MCC: variants seen among roughly 807,000 people sequenced by gnomAD.
The protein encoded by MCC is colorectal mutant cancer protein.
In MCC, 90 loss-of-function variants were observed where a neutral mutation model predicts 116.2. That is an observed-to-expected ratio of 0.77 (90% CI 0.65 to 0.92). MCC has a LOEUF of 0.92. Among genes scored for constraint, MCC ranks in the 40% least tolerant of loss-of-function variants. The pLI, the probability that MCC is intolerant of heterozygous loss-of-function variation, is 0.00. For synonymous variants in MCC, 578 were observed against 510.5 expected, an observed-to-expected ratio of 1.13 and a Z score of -1.78; for missense variants, 1,516 against 1,312.2, an observed-to-expected ratio of 1.16 and a Z score of -2.40.
chr5:113,157,835 A>C (rs1005893227), intron 3 of MCC, among the ~76,000 whole-genome samples: 3 of 152,242 alleles, frequency 2.0e-5, no homozygotes, highest in Admixed American at 1.3e-4. Flanking sequence ...GATAAAGTTT[A>C]ATTCATAGTC....
intron 2 of MCC, among the ~76,000 whole-genome samples, chr5:113,381,116 G>C (rs12519157): frequency 2.0e-5 from 3 of 152,320 alleles, no homozygotes; most frequent in Admixed American, 6.5e-5. Context: ...TATTTTAGTA[G>C]GCAAGGCAAG....
At chr5:113,249,859 G>A (rs1324187449) in intron 3 of MCC, among the ~76,000 whole-genome samples, 1 of 152,100 alleles carries the variant, frequency 6.6e-6, no homozygotes, top group Non-Finnish European at 1.5e-5. Flanking sequence ...CTACCCCCAC[G>A]CCTTTGGTTT....
chr5:113,184,484 T>TGC (rs1761796523), intron 3 of MCC, among the ~76,000 whole-genome samples: 1 of 147,972 alleles, frequency 6.8e-6, no homozygotes, highest in African/African-American at 2.5e-5. Context: ...TTTTTGTTTT[T>TGC]TTTTTTTTTT....
At chr5:113,048,229 AG>A (rs1686840266) in intron 16 of MCC, among the ~76,000 whole-genome samples, 1 of 152,214 alleles carries the variant, frequency 6.6e-6, no homozygotes, top group South Asian at 2.1e-4. Flanking sequence ...CCTTAACTGC[AG>A]TTTTGCTTTC....
rs1009760661 is a variant in MCC, at chr5:113,488,405, C to T, written c.10G>A (p.Ala4Thr). MMA[A>T]AAAAAAGSSS... ...CTCCCCGCAGCCGCTGCCGCCGCGG[C>T]CGCCATCATGCGCCCGCTCCCTACT... The change falls in exon 1 of 19, where the codon GCC (alanine) becomes ACC (threonine). Residue 4 changes from alanine (A) to threonine (T), a missense_variant. Transcript: ENST00000408903. The T allele has an allele frequency of 1.4e-6, 2 of 1,396,954 alleles. No homozygotes were observed. The highest frequency in any genetic ancestry group is 1.8e-6 in the Non-Finnish European group (2 of 1,087,288). 86.5% of individuals were successfully genotyped at this position (1,396,954 alleles called of 1,614,324 possible).
At chr5:113,231,762 A>G (rs1033476554) in intron 3 of MCC, among the ~76,000 whole-genome samples, 1 of 152,184 alleles carries the variant, frequency 6.6e-6, no homozygotes, top group Non-Finnish European at 1.5e-5. Flanking sequence ...TATGTATTGA[A>G]CTTTGAGACA....
chr5:113,268,099 A>G (rs1235772513), intron 3 of MCC, among the ~76,000 whole-genome samples: 1 of 151,926 alleles, frequency 6.6e-6, no homozygotes, highest in Non-Finnish European at 1.5e-5. Context: ...CCAGGCCTCA[A>G]CTCTACAAAC....
chr5:113,353,122 G>C (rs995197037), intron 2 of MCC, among the ~76,000 whole-genome samples: 2 of 152,158 alleles, frequency 1.3e-5, no homozygotes, highest in African/African-American at 4.8e-5. Context: ...CTTCTGACAT[G>C]ATGGGTGCTT....
chr5:113,199,920 A>G (rs954889230), intron 3 of MCC, among the ~76,000 whole-genome samples: 1 of 152,158 alleles, frequency 6.6e-6, no homozygotes, highest in Non-Finnish European at 1.5e-5. Flanking sequence ...GGTGAAGGCT[A>G]TTGATTTTGA....
At chr5:113,072,833 G>A (rs1451146014) in intron 11 of MCC, among the ~76,000 whole-genome samples, 2 of 152,180 alleles carry the variant, frequency 1.3e-5, no homozygotes, top group Non-Finnish European at 2.9e-5. Flanking sequence ...CTGAGGGCCA[G>A]GCTCACATAT....
At chr5:113,303,875 G>A (rs757695464) in intron 3 of MCC, among the ~76,000 whole-genome samples, 21 of 152,038 alleles carry the variant, frequency 1.4e-4, no homozygotes, top group East Asian at 3.9e-4. Context: ...GGCTGGTCTC[G>A]AACTCCTGAC....
rs534323280 is a variant in MCC, at chr5:113,470,078, T to C, written c.170+18167A>G. ...TTTATTTTGAGCCTATGTGTGTCTC[T>C]GCACATGAGATGGGTTTCCTGAATA... On this transcript the variant is annotated intron_variant, in intron 1 of 18. Transcript: ENST00000408903. Among the ~76,000 whole-genome samples the C allele has an allele frequency of 4.6e-5, 7 of 152,274 alleles. No individual in the cohort carries two copies. The East Asian group carries it at 5.8e-4, about 13-fold the overall frequency.
intron 11 of MCC, among the ~76,000 whole-genome samples, chr5:113,082,515 GACTC>G (rs1204022821): frequency 1.3e-5 from 2 of 152,214 alleles, no homozygotes; most frequent in African/African-American, 2.4e-5. Context: ...CTGCTCCCAG[GACTC>G]ACTATGTAAT....
At chr5:113,293,132 G>A (rs896946307) in intron 3 of MCC, among the ~76,000 whole-genome samples, 6 of 152,052 alleles carry the variant, frequency 3.9e-5, no homozygotes, top group East Asian at 1.9e-4. Context: ...TGACACTTAA[G>A]AGCACCAGGC....
At chr5:113,428,986 A>G (rs1438486197) in intron 1 of MCC, among the ~76,000 whole-genome samples, 1 of 152,208 alleles carries the variant, frequency 6.6e-6, no homozygotes, top group African/African-American at 2.4e-5. Context: ...TTAAGGTAAT[A>G]ATGTTGGGTC....
intron 3 of MCC, among the ~76,000 whole-genome samples, chr5:113,198,697 C>T (rs1483833702): frequency 7.1e-6 from 1 of 141,088 alleles, no homozygotes; most frequent in African/African-American, 2.8e-5. Context: ...CACAGCAACA[C>T]CCCCACCTCA....
chr5:113,454,018 G>A (rs1037396791), intron 1 of MCC, among the ~76,000 whole-genome samples: 5 of 152,120 alleles, frequency 3.3e-5, no homozygotes. Context: ...GCTGAGGCAG[G>A]AGAATTGCTT....
intron 1 of MCC, among the ~76,000 whole-genome samples, chr5:113,466,144 G>C (rs1771897886): frequency 6.6e-6 from 1 of 151,090 alleles, no homozygotes; most frequent in Non-Finnish European, 1.5e-5. Context: ...TGAGATCTAG[G>C]AGGGTAGGTG....
chr5:113,127,016 C>T (rs1758093224), intron 5 of MCC, among the ~76,000 whole-genome samples: 1 of 152,174 alleles, frequency 6.6e-6, no homozygotes, highest in Non-Finnish European at 1.5e-5. Context: ...TCCTCTCCCT[C>T]CTCCCACCAT....
Sources: gnomAD v4.1 joint callset for allele counts (sites outside exome capture counted in the v4.1 genomes callset) on GRCh38, gnomAD v4.1.1 for gene constraint, MANE v1.5 for transcripts, NCBI Gene and HGNC (gene_info 2026-07-23, HGNC 2026-07-21) for gene names.